Variants in CTBP2 observed in about 807,000 individuals in gnomAD.
The protein encoded by CTBP2 is C-terminal binding protein 2.
CTBP2 carries 30 observed loss-of-function variants against 80.3 expected under a neutral mutation model. The ratio of observed to expected loss-of-function variants is 0.37; its 90% CI spans 0.28 to 0.51. The LOEUF (loss-of-function observed/expected upper bound fraction) is 0.51, where lower values mean the gene tolerates loss of function less well. Ranked by LOEUF, CTBP2 falls within the 20% of genes least tolerant of loss-of-function variation. The pLI is 0.93. For missense variants in CTBP2, 1,212 were observed against 1,375.3 expected (o/e 0.88, Z 1.88); for synonymous variants, 594 against 587.4 (o/e 1.01, Z -0.16).
At chr10:125,076,050 T>C (rs1846227251) in intron 2 of CTBP2, among the ~76,000 whole-genome samples, 1 of 152,222 alleles carries the variant, frequency 6.6e-6, no homozygotes, top group Non-Finnish European at 1.5e-5. Context: ...GGGTGTATAA[T>C]CTGTGCTATC....
In CTBP2 at chr10:125,027,870, G is replaced by A; in HGVS notation, c.-111C>T. 1 of 1,428,588 alleles carries A rather than the reference G, an allele frequency of 7.0e-7. No homozygotes were observed. The highest frequency in any genetic ancestry group is 1.4e-5 in the African/African-American group (1 of 69,716). 88.5% of individuals were successfully genotyped at this position (1,428,588 alleles called of 1,614,324 possible). On this transcript the variant is annotated 5_prime_UTR_variant, in exon 1 of 9. Coordinates refer to ENST00000309035, the MANE Select transcript of CTBP2 (RefSeq NM_022802.3). ...GTGTGCTAACCCTTCCGAGACGGCA[G>A]GGACAACCAACTGGGGGTTTTCTGT...
At chr10:125,126,875 C>T (rs750518666) in intron 1 of CTBP2, among the ~76,000 whole-genome samples, 1 of 152,160 alleles carries the variant, frequency 6.6e-6, no homozygotes, top group Non-Finnish European at 1.5e-5. Context: ...CCATTCTCAG[C>T]TGCCATCTGT....
intron 1 of CTBP2, among the ~76,000 whole-genome samples, chr10:125,153,569 TTCTCC>T (rs1159672191): frequency 1.3e-5 from 2 of 152,162 alleles, no homozygotes; most frequent in East Asian, 1.9e-4. Context: ...CTCCAAACTC[TTCTCC>T]TCTCATTTCC....
chr10:125,083,788 TTTTG>T (rs1378214892), intron 2 of CTBP2, among the ~76,000 whole-genome samples: 1 of 152,080 alleles, frequency 6.6e-6, no homozygotes, highest in Non-Finnish European at 1.5e-5. Flanking sequence ...GTTTTTTTTG[TTTTG>T]TTTTTTTGAG....
At chr10:125,040,249 G>T (rs949646208) in intron 2 of CTBP2, among the ~76,000 whole-genome samples, 1 of 152,136 alleles carries the variant, frequency 6.6e-6, no homozygotes, top group Non-Finnish European at 1.5e-5. Context: ...GAGGTCAGGA[G>T]TTCGAGACCA....
At chr10:125,054,737 T>C (rs1193788336) in intron 2 of CTBP2, among the ~76,000 whole-genome samples, 1 of 152,214 alleles carries the variant, frequency 6.6e-6, no homozygotes, top group African/African-American at 2.4e-5. Context: ...CAGTAATACA[T>C]TTGTAATGCA....
At chr10:125,103,461 C>A (rs1850952136) in intron 2 of CTBP2, among the ~76,000 whole-genome samples, 1 of 152,176 alleles carries the variant, frequency 6.6e-6, no homozygotes, top group Non-Finnish European at 1.5e-5. Flanking sequence ...CACTTTTTAA[C>A]TTCCCCTGAT....
intron 6 of CTBP2, 36 bp downstream of exon 8, chr10:124,993,819 T>C (rs1356104031): frequency 6.3e-7 from 1 of 1,596,286 alleles, no homozygotes; most frequent in East Asian, 2.2e-5. Context: ...AGCTGGGCCC[T>C]GTGGGCTCCT....
chr10:125,107,286 C>T (rs563849500), intron 2 of CTBP2, among the ~76,000 whole-genome samples: 51 of 152,292 alleles, frequency 3.3e-4, no homozygotes, highest in African/African-American at 1.2e-3. Context: ...TTTGTGGTTT[C>T]GGATGTTGGC....
intron 1 of CTBP2, among the ~76,000 whole-genome samples, chr10:125,119,431 G>A (rs1853934772): frequency 1.3e-5 from 2 of 152,188 alleles, no homozygotes. Context: ...AGACCATGCT[G>A]GAAACCAGAG....
At chr10:125,048,758 G>A (rs1961905091) in intron 2 of CTBP2, among the ~76,000 whole-genome samples, 3 of 152,140 alleles carry the variant, frequency 2.0e-5, no homozygotes, top group Non-Finnish European at 4.4e-5. Context: ...CAGAGAGGAC[G>A]GTGCTGGGGA....
At chr10:125,106,265 C>T (rs1413029616) in intron 2 of CTBP2, among the ~76,000 whole-genome samples, 1 of 152,228 alleles carries the variant, frequency 6.6e-6, no homozygotes, top group East Asian at 1.9e-4. Flanking sequence ...GGTGTGGGGA[C>T]GGTACCATGA....
intron 2 of CTBP2, among the ~76,000 whole-genome samples, chr10:125,108,076 A>G (rs1454022324): frequency 6.6e-6 from 1 of 152,234 alleles, no homozygotes; most frequent in East Asian, 1.9e-4. Flanking sequence ...TTTCCAGGAG[A>G]AGCCAGCAAA....
chr10:125,161,185 T>G (rs1008747326), upstream of CTBP2: 1 of 149,580 alleles, frequency 6.7e-6, no homozygotes. Context: ...GGGGGATTAG[T>G]GGCTCCGCGA....
rs57913854 is a variant in CTBP2, at chr10:125,046,537, C to CAAAAAAAAAAAAAAAA, written c.-101-7398_-101-7383dup. On this transcript the variant is annotated intron_variant, in intron 2 of 10. Transcript: ENST00000337195. ...TGAGTGACAGAGTGAGACTCTATCT[C>CAAAAAAAAAAAAAAAA]AAAAAAAAAAAAAAAAAAGAATTTG... Among the ~76,000 whole-genome samples, 6 of 114,774 alleles carry CAAAAAAAAAAAAAAAA rather than the reference C, an allele frequency of 5.2e-5. 1 individual carries two copies. The highest frequency in any genetic ancestry group is 2.0e-4 in the Admixed American group (2 of 10,022). 75.3% of individuals were successfully genotyped at this position (114,774 alleles called of 152,430 possible).
chr10:125,064,705 C>T (rs1457800713), intron 2 of CTBP2, among the ~76,000 whole-genome samples: 1 of 152,202 alleles, frequency 6.6e-6, no homozygotes, highest in Non-Finnish European at 1.5e-5. Context: ...ACTATCCACC[C>T]AGGAGACTTC....
intron 1 of CTBP2, among the ~76,000 whole-genome samples, chr10:125,012,885 A>ACTAAATTTTAAGC (rs370287031): frequency 1.1e-4 from 17 of 152,122 alleles, no homozygotes; most frequent in African/African-American, 4.1e-4. Flanking sequence ...CGGCCAAAAG[A>ACTAAATTTTAAGC]AGCACAAACC....
chr10:125,026,753 A>G lies in CTBP2; in HGVS notation c.1007T>C (p.Leu336Pro), dbSNP rs779499338. The G allele has an allele frequency of 2.5e-6, 4 of 1,612,854 alleles. No individual in the cohort carries two copies. The East Asian group carries it at 6.7e-5, about 27-fold the overall frequency. Residue 336 changes from leucine (L) to proline (P), a missense_variant, in exon 1 of 9, where the codon CTG (leucine) becomes CCG (proline). Around this residue, in one of 3 missense-constraint regions of CTBP2, gnomAD observed 848 missense variants for 782.3 expected, o/e 1.08. Coordinates refer to ENST00000309035, the MANE Select transcript of CTBP2 (RefSeq NM_022802.3). ...GCGGCTCAGAACACGGGCCTGGCCC[A>G]GGTTGGGTGCGACAGACTTGATATC...
intron 2 of CTBP2, among the ~76,000 whole-genome samples, chr10:125,052,422 G>A (rs188961829): frequency 2.0e-5 from 3 of 152,338 alleles, no homozygotes; most frequent in Non-Finnish European, 4.4e-5. Flanking sequence ...ACCTGTGTTC[G>A]CCAGGGGAGA....
Sources: allele counts gnomAD v4.1 joint callset (sites outside exome capture counted in the v4.1 genomes callset), GRCh38; gene constraint gnomAD v4.1.1; regional missense constraint gnomAD v4.1.1; transcripts MANE v1.5; gene names NCBI Gene and HGNC (gene_info 2026-07-23, HGNC 2026-07-21).